Variants in XRCC4 observed in about 807,000 individuals in gnomAD.
XRCC4 encodes DNA repair protein XRCC4.
XRCC4 carries 28 observed loss-of-function variants against 39.1 expected under a neutral mutation model. That is an observed-to-expected ratio of 0.72 (90% CI 0.53 to 0.98). XRCC4 has a LOEUF of 0.98. Ranked by LOEUF, XRCC4 falls within the 50% of genes least tolerant of loss-of-function variation. XRCC4 has a pLI of 0.00. For synonymous variants in XRCC4, 123 were observed against 126.4 expected (o/e 0.97, Z 0.18); for missense variants, 350 against 376.4 (o/e 0.93, Z 0.58).
intron 3 of XRCC4, among the ~76,000 whole-genome samples, chr5:83,165,839 T>C (rs575953699): frequency 1.3e-5 from 2 of 152,282 alleles, no homozygotes; most frequent in African/African-American, 4.8e-5. Flanking sequence ...GCGTAGTATT[T>C]CATGGTGTGT....
chr5:83,249,032 C>A (rs1055810199), intron 6 of XRCC4, among the ~76,000 whole-genome samples: 2 of 152,088 alleles, frequency 1.3e-5, no homozygotes, highest in African/African-American at 4.8e-5. Flanking sequence ...CTTACCAAAT[C>A]TGGATAATAT....
chr5:83,080,985 C>A (rs1047481221), intron 1 of XRCC4, among the ~76,000 whole-genome samples: 3 of 152,092 alleles, frequency 2.0e-5, no homozygotes, highest in Non-Finnish European at 2.9e-5. Flanking sequence ...CTCAAACTGC[C>A]AAACTTATAG....
chr5:83,292,845 T>A (rs1443562730), intron 7 of XRCC4, among the ~76,000 whole-genome samples: 1 of 151,902 alleles, frequency 6.6e-6, no homozygotes, highest in Non-Finnish European at 1.5e-5. Context: ...CTAGATTGGA[T>A]GACAAAACTA....
intron 7 of XRCC4, among the ~76,000 whole-genome samples, chr5:83,322,626 A>G (rs1235144394): frequency 6.6e-6 from 1 of 152,208 alleles, no homozygotes; most frequent in Non-Finnish European, 1.5e-5. Context: ...TTACCAAAGT[A>G]AGCCCAAATA....
At chr5:83,140,133 A>G (rs895114885) in intron 3 of XRCC4, among the ~76,000 whole-genome samples, 2 of 152,232 alleles carry the variant, frequency 1.3e-5, no homozygotes, top group African/African-American at 4.8e-5. Context: ...ATATGTATAT[A>G]TGAAAGGGAG....
At chr5:83,324,559 T>C (rs924526957) in intron 7 of XRCC4, among the ~76,000 whole-genome samples, 18 of 152,162 alleles carry the variant, frequency 1.2e-4, no homozygotes, top group Admixed American at 6.6e-4. Context: ...TTTCTTTTTT[T>C]AAGTACATAA....
At chr5:83,373,026 C>A in the XRCC4 span, among the ~76,000 whole-genome samples, 2 of 152,056 alleles carry the variant, frequency 1.3e-5, no homozygotes, top group African/African-American at 4.8e-5. Flanking sequence ...TCCAAGGGAC[C>A]AGTTCTTTCG....
At chr5:83,227,241 A>G (rs1752325309) in intron 6 of XRCC4, among the ~76,000 whole-genome samples, 2 of 152,132 alleles carry the variant, frequency 1.3e-5, no homozygotes, top group African/African-American at 4.8e-5. Context: ...TAAACGTAGT[A>G]TTCCCTCATT....
Position 83,150,366 on chromosome 5 carries a change from T to A in XRCC4, c.315+39163T>A, listed in dbSNP as rs538496895. On this transcript the variant is annotated intron_variant, in intron 3 of 7. Transcript: ENST00000396027. ...TCCTTTTTTGGGGGAAGCTTCTTAATGTTAAAAGCTTCCTAAGCATTATTT... is the reference window on the plus strand; with the variant it reads ...TCCTTTTTTGGGGGAAGCTTCTTAAAGTTAAAAGCTTCCTAAGCATTATTT... 3.3e-5 allele frequency among the ~76,000 whole-genome samples: 5 copies of A among 152,288 alleles called. No individual in the cohort carries two copies. In the South Asian group the frequency reaches 1.0e-3, roughly 32 times the overall value.
intron 3 of XRCC4, among the ~76,000 whole-genome samples, chr5:83,144,056 C>T (rs1322373859): frequency 6.6e-6 from 1 of 152,058 alleles, no homozygotes; most frequent in African/African-American, 2.4e-5. Context: ...TCATTCCCCT[C>T]TGCCTTCCCC....
intron 7 of XRCC4, among the ~76,000 whole-genome samples, chr5:83,262,464 G>A (rs79398444): frequency 0.011 from 1,624 of 152,096 alleles, 14 homozygotes; most frequent in Non-Finnish European, 0.016. Context: ...TTTTTGGGGG[G>A]TGGGGAAGCT....
rs879255259 is a variant in XRCC4 at position 83,258,543 on chromosome 5, AG to A, written c.760del (p.Asp254MetfsTer66). 30 of 1,606,640 alleles carry A rather than the reference AG, an allele frequency of 1.9e-5. No individual in the cohort carries two copies. Among genetic ancestry groups the A allele is most frequent in the Non-Finnish European group, 2.5e-5 (30 of 1,178,110 alleles). ...SGLASAAVSK[D>X]DSIISSLDVT... ...ATTTTATTTCAGCTGCTGTAAGTAA[AG>A]ATGATTCCATTATTTCAAGTCTTGA... On this transcript the variant is annotated frameshift_variant, in exon 7 of 8. Coordinates refer to ENST00000396027, the MANE Select transcript of XRCC4 (RefSeq NM_003401.5). LOFTEE classifies it high-confidence loss of function.
chr5:83,122,421 A>G (rs879780926), intron 3 of XRCC4, among the ~76,000 whole-genome samples: 4 of 152,110 alleles, frequency 2.6e-5, no homozygotes, highest in Non-Finnish European at 5.9e-5. Context: ...CAGGCATCCA[A>G]TGGGAAGAAG....
the XRCC4 span, among the ~76,000 whole-genome samples, chr5:83,371,401 T>C: frequency 2.6e-5 from 4 of 152,218 alleles, no homozygotes; most frequent in African/African-American, 9.6e-5. Flanking sequence ...TCTTTTTTAC[T>C]GTTCCATTCC....
At chr5:83,332,808 GAC>G (rs1284438573) in intron 7 of XRCC4, among the ~76,000 whole-genome samples, 3 of 152,122 alleles carry the variant, frequency 2.0e-5, no homozygotes, top group African/African-American at 7.2e-5. Context: ...ATAGAATTTG[GAC>G]ACATAATAAT....
chr5:83,165,644 T>C (rs534894775), intron 3 of XRCC4, among the ~76,000 whole-genome samples: 2 of 152,160 alleles, frequency 1.3e-5, no homozygotes, highest in South Asian at 4.1e-4. Context: ...CTACCTTCCA[T>C]CCTCCAACAG....
chr5:83,181,781 G>A (rs1303905763), intron 3 of XRCC4, among the ~76,000 whole-genome samples: 1 of 152,194 alleles, frequency 6.6e-6, no homozygotes, highest in Admixed American at 6.5e-5. Context: ...GAACCAATGA[G>A]CTTACAGGAG....
intron 3 of XRCC4, among the ~76,000 whole-genome samples, chr5:83,156,864 C>A (rs933116778): frequency 1.3e-5 from 2 of 152,028 alleles, no homozygotes; most frequent in African/African-American, 4.8e-5. Context: ...GATTCCTAAG[C>A]AGAAACCCCC....
At chr5:83,235,767 A>C (rs1247498459) in intron 6 of XRCC4, among the ~76,000 whole-genome samples, 1 of 152,214 alleles carries the variant, frequency 6.6e-6, no homozygotes, top group East Asian at 1.9e-4. Context: ...AAATTTGGAA[A>C]GGAAGAAGTT....
Sources: allele counts gnomAD v4.1 joint callset (sites outside exome capture counted in the v4.1 genomes callset), GRCh38; gene constraint gnomAD v4.1.1; transcripts MANE v1.5; gene names NCBI Gene and HGNC (gene_info 2026-07-23, HGNC 2026-07-21).